TMEFF2: variants seen among roughly 807,000 people sequenced by gnomAD.
The protein encoded by TMEFF2 is transmembrane protein with EGF like and two follistatin like domains 2.
In TMEFF2, 28 loss-of-function variants were observed where a neutral mutation model predicts 53.8. The observed-to-expected ratio is 0.52, with a 90% CI of 0.39 to 0.71. The LOEUF (loss-of-function observed/expected upper bound fraction) is 0.71, where lower values mean the gene tolerates loss of function less well. Among genes scored for constraint, TMEFF2 ranks in the 30% least tolerant of loss-of-function variants. The pLI, the probability that TMEFF2 is intolerant of heterozygous loss-of-function variation, is 0.00. For synonymous variants in TMEFF2, 162 were observed against 166.3 expected (o/e 0.97, Z 0.20); for missense variants, 353 against 455.2 (o/e 0.78, Z 2.04).
chr2:192,032,114 A>G (rs1043898304), intron 5 of TMEFF2: 4 of 152,214 alleles, frequency 2.6e-5, no homozygotes, highest in African/African-American at 9.6e-5. Context: ...CTCATAAGAT[A>G]TATAAGACCA....
intron 4 of TMEFF2, among the ~76,000 whole-genome samples, chr2:192,115,108 A>G (rs1574385485): frequency 6.6e-6 from 1 of 152,030 alleles, no homozygotes; most frequent in South Asian, 2.1e-4. Context: ...TGGAGCCACA[A>G]AAGTTTCTAA....
chr2:191,958,901 A>G (rs1237050227), intron 7 of TMEFF2, among the ~76,000 whole-genome samples: 1 of 152,220 alleles, frequency 6.6e-6, no homozygotes, highest in Non-Finnish European at 1.5e-5. Flanking sequence ...AGTTGATTGA[A>G]AACCTGAATA....
rs17352265 is a variant in TMEFF2, at chr2:192,052,875, T to C, written c.536+4804A>G. On this transcript the variant is annotated intron_variant, in intron 5 of 9. Transcript: ENST00000272771. The stretch of plus-strand genomic sequence containing the variant: ...GATACCTCTATTATGAGAATGGATG[T>C]ACTGGCGTGTGAATAACTTGTCCTG... 4.4e-3 allele frequency among the ~76,000 whole-genome samples: 664 copies of C among 152,346 alleles called. 2 individuals carry two copies. The highest frequency in any genetic ancestry group is 6.7e-3 in the Non-Finnish European group (457 of 68,022).
chr2:191,999,100 T>C lies in TMEFF2; in HGVS notation c.645A>G (p.Lys215=). The change falls in exon 6 of 10, where the codon AAA becomes AAG. Residue 215 remains lysine, a synonymous_variant. Transcript: ENST00000272771. ...ACQIKEASCQ[K]QEKIEVMSLG... is the part of the protein sequence containing the mutation. ...AAGACATGACTTCAATTTTCTCCTG[T>C]TTCTGACACGATGCTTCTTTGATTT... is the stretch of plus-strand genomic sequence containing the variant. 6.2e-7 allele frequency: 1 copy of C among 1,611,750 alleles called. No homozygotes were observed. The highest frequency in any genetic ancestry group is 8.5e-7 in the Non-Finnish European group (1 of 1,178,240).
Position 192,145,649 on chromosome 2 carries a change from C to G in TMEFF2, c.439+34019G>C, listed in dbSNP as rs16834246. 5.0e-3 allele frequency among the ~76,000 whole-genome samples: 762 copies of G among 152,038 alleles called. 8 individuals are homozygous for G. Among genetic ancestry groups the G allele is most frequent in the African/African-American group, 0.018 (734 of 41,512 alleles). On this transcript the variant is annotated intron_variant, in intron 4 of 9. Transcript: ENST00000272771. ...TGAGTAAATTTCTGTGTGAGAAGAA[C>G]AGAGTCATGGCTAAGGTCACAGATT...
intron 4 of TMEFF2, among the ~76,000 whole-genome samples, chr2:192,101,881 C>T (rs1440033624): frequency 6.6e-6 from 1 of 152,090 alleles, no homozygotes; most frequent in African/African-American, 2.4e-5. Flanking sequence ...GATGTTAACT[C>T]CGGTGACGAT....
chr2:192,005,418 G>T (rs1371114269), intron 5 of TMEFF2, among the ~76,000 whole-genome samples: 1 of 152,120 alleles, frequency 6.6e-6, no homozygotes, highest in Non-Finnish European at 1.5e-5. Context: ...GCAGAACCTG[G>T]CAGCTAGCAA....
chr2:192,165,935 C>G (rs1209236655), intron 4 of TMEFF2, among the ~76,000 whole-genome samples: 1 of 152,084 alleles, frequency 6.6e-6, no homozygotes, highest in Admixed American at 6.6e-5. Context: ...GAAACAAATA[C>G]AGTTTTTGAA....
At chr2:192,055,468 G>T (rs1687879489) in intron 5 of TMEFF2, among the ~76,000 whole-genome samples, 1 of 152,030 alleles carries the variant, frequency 6.6e-6, no homozygotes, top group Non-Finnish European at 1.5e-5. Flanking sequence ...TCCCTAGGAT[G>T]TTTTTTAAAA....
chr2:192,058,335 GT>G (rs1422844899), intron 4 of TMEFF2, among the ~76,000 whole-genome samples: 1 of 152,006 alleles, frequency 6.6e-6, no homozygotes, highest in Non-Finnish European at 1.5e-5. Flanking sequence ...GTTTTTAGTT[GT>G]TTTTTACTGT....
chr2:192,179,255 G>A (rs1265493498), intron 4 of TMEFF2: 1 of 162,814 alleles, frequency 6.1e-6, no homozygotes, highest in Non-Finnish European at 1.3e-5. Flanking sequence ...TATATGGTAG[G>A]TTATGTATGT....
rs1389843753 is a variant in TMEFF2 at position 191,949,650 on chromosome 2, T to A, written c.*661A>T. ...CCCCAATAAAAACCAATATTTTCTT[T>A]CCCTCTCCTTTATGAGTTATAAAAC... is the stretch of plus-strand genomic sequence containing the variant. On this transcript the variant is annotated 3_prime_UTR_variant, in exon 10 of 10. Transcript: ENST00000272771. The A allele has an allele frequency of 1.0e-6, 1 of 985,212 alleles. No homozygotes were observed. The highest frequency in any genetic ancestry group is 1.1e-4 in the East Asian group (1 of 8,822). The allele number at this position is 985,212 out of a possible 1,614,324, so 61.0% of individuals were successfully genotyped here.
At chr2:192,055,091 A>G (rs1307364971) in intron 5 of TMEFF2, among the ~76,000 whole-genome samples, 1 of 152,222 alleles carries the variant, frequency 6.6e-6, no homozygotes, top group Non-Finnish European at 1.5e-5. Flanking sequence ...AAAAAGTGAA[A>G]CAATTTATAA....
At chr2:192,161,089 A>T (rs560421604) in intron 4 of TMEFF2, among the ~76,000 whole-genome samples, 2 of 152,062 alleles carry the variant, frequency 1.3e-5, no homozygotes, top group African/African-American at 4.8e-5. Flanking sequence ...TTCCCATGTC[A>T]TCTCCTATTC....
At chr2:191,962,288 T>C (rs2105793316) in intron 7 of TMEFF2, among the ~76,000 whole-genome samples, 1 of 152,338 alleles carries the variant, frequency 6.6e-6, no homozygotes, top group Non-Finnish European at 1.5e-5. Context: ...GAAATTCCTC[T>C]TCATTCCACC....
intron 4 of TMEFF2, among the ~76,000 whole-genome samples, chr2:192,100,237 G>A (rs1574372430): frequency 6.6e-6 from 1 of 152,076 alleles, no homozygotes; most frequent in African/African-American, 2.4e-5. Flanking sequence ...TGATTGGCTT[G>A]GAGGCTTAAA....
chr2:192,113,202 A>G (rs1689324923), intron 4 of TMEFF2, among the ~76,000 whole-genome samples: 1 of 152,192 alleles, frequency 6.6e-6, no homozygotes, highest in African/African-American at 2.4e-5. Flanking sequence ...TTGAAAAAGT[A>G]TTGGCACTGT....
intron 3 of TMEFF2, 45 bp downstream of exon 3, chr2:192,184,306 TGGA>T (rs1267249586): frequency 1.9e-6 from 3 of 1,598,150 alleles, no homozygotes; most frequent in Admixed American, 1.7e-5. Context: ...ACATGGTTTT[TGGA>T]TTTGGAATCC....
At position 192,085,061 on chromosome 2, in the gene TMEFF2, G is replaced by T. The variant is rs910433267; in HGVS notation, c.440-27286C>A. The stretch of plus-strand genomic sequence containing the variant: ...AGCTTCTTTTCTCGTCTCCTTCACA[G>T]AAATGAAATCTGTATTCAGGATGTA... On this transcript the variant is annotated intron_variant, in intron 4 of 9. Transcript: ENST00000272771. 6.6e-4 allele frequency among the ~76,000 whole-genome samples: 100 copies of T among 152,134 alleles called. 1 individual carries two copies. The highest frequency in any genetic ancestry group is 6.2e-4 in the South Asian group (3 of 4,828).
Sources: allele counts gnomAD v4.1 joint callset (sites outside exome capture counted in the v4.1 genomes callset), GRCh38; gene constraint gnomAD v4.1.1; transcripts MANE v1.5; gene names NCBI Gene and HGNC (gene_info 2026-07-23, HGNC 2026-07-21).